XPO6: variants seen among roughly 807,000 people sequenced by gnomAD.
XPO6 encodes exportin-6.
XPO6 carries 3 observed loss-of-function variants against 130.0 expected under a neutral mutation model. The observed-to-expected ratio is 0.02, with a 90% CI of 0.01 to 0.06. XPO6 has a LOEUF of 0.06. Among genes scored for constraint, XPO6 ranks in the 10% least tolerant of loss-of-function variants. The pLI is 1.00. For missense variants in XPO6, 970 were observed against 1,393.0 expected, an observed-to-expected ratio of 0.70 and a Z score of 4.83; for synonymous variants, 524 against 548.9, an observed-to-expected ratio of 0.95 and a Z score of 0.63.
Position 28,113,177 on chromosome 16 carries a change from G to C in XPO6, c.2005-127C>G, listed in dbSNP as rs140224310. On this transcript the variant is annotated intron_variant, in intron 15 of 23. Coordinates refer to ENST00000304658, the MANE Select transcript of XPO6 (RefSeq NM_015171.4). The stretch of plus-strand genomic sequence containing the variant: ...AATTACACCACCTAGGCCCTATCTA[G>C]CTCAAGAATTTTTCCTATGATGACT... 5.7e-4 allele frequency: 693 copies of C among 1,225,572 alleles called. 3 individuals are homozygous for C. In the African/African-American group the frequency reaches 9.6e-3, roughly 17 times the overall value. 75.9% of individuals were successfully genotyped at this position (1,225,572 alleles called of 1,614,324 possible). A position where few individuals can be genotyped will look rare whatever the true frequency, so the allele number is the denominator to read the frequency against.
At chr16:28,156,656 TAAAA>T in intron 6 of XPO6, 129 bp from the exon 7 acceptor site, 1 of 530,846 alleles carries the variant, frequency 1.9e-6, no homozygotes, top group African/African-American at 2.0e-5. Context: ...ACCTATGAAA[TAAAA>T]AAATAAAATC....
At position 28,098,423 on chromosome 16, in the gene XPO6, C is replaced by A; in HGVS notation, c.*115G>T. ...CGGCAGAGGCAGGCAGCGTTGCTTG[C>A]GGTGGGAGAAGCCAAGGAGTGTGAC... On this transcript the variant is annotated 3_prime_UTR_variant, in exon 24 of 24. Transcript: ENST00000304658. 1 of 863,302 alleles carries A rather than the reference C, an allele frequency of 1.2e-6. No individual in the cohort carries two copies. Among genetic ancestry groups the A allele is most frequent in the Non-Finnish European group, 1.8e-6 (1 of 554,412 alleles). 53.5% of individuals were successfully genotyped at this position (863,302 alleles called of 1,614,324 possible). A position where few individuals can be genotyped will look rare whatever the true frequency, so the allele number is the denominator to read the frequency against.
chr16:28,174,660 TGA>T (rs1459184660), intron 4 of XPO6, among the ~76,000 whole-genome samples: 3 of 152,200 alleles, frequency 2.0e-5, no homozygotes, highest in Non-Finnish European at 4.4e-5. Flanking sequence ...AGAGACAATC[TGA>T]GAGAAGCACT....
chr16:28,182,339 C>G (rs7199187), intron 1 of XPO6, among the ~76,000 whole-genome samples: 43,546 of 151,988 alleles, frequency 0.29, 6,360 homozygotes, highest in Middle Eastern at 0.33. Context: ...TTCTCAGTAC[C>G]AATTACAGAG....
chr16:28,106,208 C>T lies in XPO6; in HGVS notation c.2619G>A (p.Gln873=), dbSNP rs1454790838. ...QTFLNMFTRE[Q]LAESILHEGS... ...CCTCGTGGAGGATGCTCTCGGCTAA[C>T]TGCTCTCTACAGAGGAGAAAGCCAC... Residue 873 remains glutamine, a synonymous_variant, in exon 20 of 24, where the codon CAG becomes CAA. Coordinates refer to ENST00000304658, the MANE Select transcript of XPO6 (RefSeq NM_015171.4). The surrounding 1 kb of genome is among the most constrained non-coding windows in gnomAD (Gnocchi z 4.2). 6.2e-7 allele frequency: 1 copy of T among 1,614,120 alleles called. No individual in the cohort carries two copies. The highest frequency in any genetic ancestry group is 2.2e-5 in the East Asian group (1 of 44,886).
chr16:28,191,854 GGTGA>G (rs1413249307), intron 1 of XPO6, among the ~76,000 whole-genome samples: 1 of 152,188 alleles, frequency 6.6e-6, no homozygotes, highest in Non-Finnish European at 1.5e-5. Context: ...CTACTGCTCA[GGTGA>G]GTAATTTCAT....
chr16:28,182,921 C>A (rs946752062), intron 1 of XPO6, among the ~76,000 whole-genome samples: 3 of 152,016 alleles, frequency 2.0e-5, no homozygotes, highest in African/African-American at 7.2e-5. Flanking sequence ...AATAAAAAGG[C>A]TGTGGGAAGA....
chr16:28,133,793 T>C, intron 11 of XPO6, 48 bp downstream of exon 11: 2 of 1,584,888 alleles, frequency 1.3e-6, no homozygotes, highest in Non-Finnish European at 1.7e-6. Context: ...CCATGCTCTG[T>C]GTACAGAGAA....
At chr16:28,162,825 G>T (rs1448628636) in intron 6 of XPO6, among the ~76,000 whole-genome samples, 2 of 152,094 alleles carry the variant, frequency 1.3e-5, no homozygotes, top group Non-Finnish European at 2.9e-5. Flanking sequence ...CAAAGTGCTG[G>T]GATTTACAGG....
Position 28,104,623 on chromosome 16 carries a change from T to G in XPO6, c.2869A>C (p.Thr957Pro). 2 of 1,614,158 alleles carry G rather than the reference T, an allele frequency of 1.2e-6. No homozygotes were observed. Among genetic ancestry groups the G allele is most frequent in the Non-Finnish European group, 1.7e-6 (2 of 1,180,042 alleles). ...HHNWRYFFKS[T>P]VLASVQRGIA... is the part of the protein sequence containing the mutation. Reference sequence around the variant, plus strand: ...CCCCTCTGGACACTGGCCAGCACGGTGGACTTGAAGAAGTACCTCCAGTTG... The same window carrying G: ...CCCCTCTGGACACTGGCCAGCACGGGGGACTTGAAGAAGTACCTCCAGTTG... The change falls in exon 21 of 24, where the codon ACC becomes CCC. Residue 957 changes from threonine (T) to proline (P), a missense_variant. This residue lies in a region of XPO6 where 936 missense variants were observed against 1,306.8 expected (regional missense o/e 0.72). Transcript: ENST00000304658.
chr16:28,116,295 A>G (rs1297106052), intron 15 of XPO6, among the ~76,000 whole-genome samples: 2 of 152,150 alleles, frequency 1.3e-5, no homozygotes, highest in Non-Finnish European at 2.9e-5. Flanking sequence ...CCCCGTCTCT[A>G]CAAAAAATAC....
intron 1 of XPO6, among the ~76,000 whole-genome samples, chr16:28,207,761 C>T (rs551733194): frequency 2.0e-5 from 3 of 152,304 alleles, no homozygotes; most frequent in African/African-American, 7.2e-5. Context: ...CTAGGAATCA[C>T]AGAGCAGGTC....
At position 28,111,891 on chromosome 16, in the gene XPO6, G is replaced by A; in HGVS notation, c.2267C>T (p.Ser756Phe). ...GTTGCGATAGTCCCGGGAGAGTGCA[G>A]AGATGAGGCTGGCGTGGTTGATGGA... is the stretch of plus-strand genomic sequence containing the variant. ...VRSINHASLI[S>F]ALSRDYRNLK... Residue 756 changes from serine (S) to phenylalanine (F), a missense_variant, in exon 17 of 24, where the codon TCT becomes TTT. By Grantham distance (155) the Ser-to-Phe change is radical. Around this residue, in one of 4 missense-constraint regions of XPO6, gnomAD observed 936 missense variants for 1,306.8 expected, o/e 0.72. Coordinates refer to ENST00000304658, the MANE Select transcript of XPO6 (RefSeq NM_015171.4). 1 of 1,614,188 alleles carries A rather than the reference G, an allele frequency of 6.2e-7. No individual in the cohort carries two copies. Among genetic ancestry groups the A allele is most frequent in the Non-Finnish European group, 8.5e-7 (1 of 1,180,026 alleles).
At chr16:28,195,439 T>C (rs1236415763) in intron 1 of XPO6, among the ~76,000 whole-genome samples, 2 of 152,062 alleles carry the variant, frequency 1.3e-5, no homozygotes, top group Non-Finnish European at 2.9e-5. Context: ...TAAAAACACA[T>C]TTCCCCACAC....
chr16:28,200,090 G>A (rs1297292369), intron 1 of XPO6, among the ~76,000 whole-genome samples: 2 of 151,894 alleles, frequency 1.3e-5, no homozygotes, highest in Admixed American at 6.6e-5. Flanking sequence ...CAGAGGCAGA[G>A]GTTGCAGTGA....
rs1401142029 is a variant in XPO6, at chr16:28,169,813, G to C, written c.502C>G (p.Arg168Gly). The C allele has an allele frequency of 1.2e-6, 2 of 1,613,916 alleles. No individual in the cohort carries two copies. Among genetic ancestry groups the C allele is most frequent in the Non-Finnish European group, 8.5e-7 (1 of 1,179,984 alleles). Residue 168 changes from arginine to glycine, a missense_variant, in exon 5 of 24, where the codon CGG (arginine) becomes GGG (glycine). Coordinates refer to ENST00000304658, the MANE Select transcript of XPO6 (RefSeq NM_015171.4). ...AGCAGCTTCCGCAACTCCTCCTTCC[G>C]AGCCACACTGAGGTCCTCACGGGGA... ...ACPREDLSVARKEELRKLLLD... is the reference protein window; with the variant it reads ...ACPREDLSVAGKEELRKLLLD...
chr16:28,174,058 T>C (rs2043496317), intron 4 of XPO6, among the ~76,000 whole-genome samples: 1 of 152,138 alleles, frequency 6.6e-6, no homozygotes, highest in African/African-American at 2.4e-5. Context: ...TGGGCTTCCC[T>C]GACGCCCACT....
chr16:28,185,377 T>C (rs1355146738), intron 1 of XPO6, among the ~76,000 whole-genome samples: 1 of 151,940 alleles, frequency 6.6e-6, no homozygotes, highest in Non-Finnish European at 1.5e-5. Flanking sequence ...ATAATAATAA[T>C]AATAATTTAA....
At position 28,104,630 on chromosome 16, in the gene XPO6, GAAGAAGTACCT is replaced by G; in HGVS notation, c.2851_2861del (p.Arg951GlnfsTer14). Reference sequence around the variant, plus strand: ...GGACACTGGCCAGCACGGTGGACTTGAAGAAGTACCTCCAGTTGTGATGGAGCGTCCGGAAA... The same window carrying G: ...GGACACTGGCCAGCACGGTGGACTTGCCAGTTGTGATGGAGCGTCCGGAAA... On this transcript the variant is annotated frameshift_variant, in exon 21 of 24. Transcript: ENST00000304658. LOFTEE classifies it high-confidence loss of function. 6.2e-7 allele frequency: 1 copy of G among 1,614,194 alleles called. No individual in the cohort carries two copies. Among genetic ancestry groups the G allele is most frequent in the Non-Finnish European group, 8.5e-7 (1 of 1,180,034 alleles).
Sources: gnomAD v4.1 joint callset for allele counts (sites outside exome capture counted in the v4.1 genomes callset) on GRCh38, gnomAD v4.1.1 for gene constraint, gnomAD v4.1.1 regional missense constraint, Gnocchi (gnomAD v3.1) non-coding constraint, MANE v1.5 for transcripts, NCBI Gene and HGNC (gene_info 2026-07-23, HGNC 2026-07-21) for gene names.